Variants in CFAP47 observed in about 807,000 individuals in gnomAD.
CFAP47 encodes cilia- and flagella-associated protein 47.
Under a neutral mutation model 148.1 loss-of-function variants are expected in CFAP47, and 29 were observed. The ratio of observed to expected loss-of-function variants is 0.20; its 90% CI spans 0.15 to 0.27. The LOEUF (loss-of-function observed/expected upper bound fraction) is 0.27, where lower values mean the gene tolerates loss of function less well. CFAP47 is among the 10% of genes least tolerant of loss of function. The pLI, the probability that CFAP47 is intolerant of heterozygous loss-of-function variation, is 1.00. For missense variants in CFAP47, 1,872 were observed against 1,697.5 expected (o/e 1.10, Z -1.81); for synonymous variants, 664 against 577.3 (o/e 1.15, Z -2.15).
chrX:36,291,886 A>G (rs1361361909), intron 51 of CFAP47, among the ~76,000 whole-genome samples: 1 of 111,297 alleles, frequency 9.0e-6, no homozygotes, highest in Non-Finnish European at 1.9e-5. Flanking sequence ...GAGTACATAC[A>G]CACATATACG....
intron 42 of CFAP47, among the ~76,000 whole-genome samples, chrX:36,193,099 T>C (rs1279508554): frequency 1.8e-5 from 2 of 112,164 alleles, no homozygotes; most frequent in Non-Finnish European, 3.8e-5. Flanking sequence ...TTCTTTCCAC[T>C]CTCAGTCATT....
intron 45 of CFAP47, among the ~76,000 whole-genome samples, chrX:36,221,295 C>A (rs781979764): frequency 9.0e-6 from 1 of 111,481 alleles, no homozygotes; most frequent in Admixed American, 9.5e-5. Flanking sequence ...AAGTAAAGTT[C>A]TTACATTTTA....
At position 36,000,731 on chromosome X, in the gene CFAP47, G is replaced by A. The variant is rs574677010; in HGVS notation, c.3322+304G>A. On this transcript the variant is annotated intron_variant, in intron 20 of 63. Coordinates refer to ENST00000378653, the MANE Select transcript of CFAP47 (RefSeq NM_001304548.2). Reference sequence around the variant, plus strand: ...TTAAATGAACATAAAATTATGAATCGCTTGTTTTAATTGCTCAATAATTTT... The same window carrying A: ...TTAAATGAACATAAAATTATGAATCACTTGTTTTAATTGCTCAATAATTTT... 9.9e-5 allele frequency among the ~76,000 whole-genome samples: 11 copies of A among 111,578 alleles called. No homozygotes were observed. The South Asian group carries it at 3.0e-3, about 30-fold the overall frequency.
At chrX:36,054,195 C>A (rs1601950330) in intron 26 of CFAP47, among the ~76,000 whole-genome samples, 1 of 112,252 alleles carries the variant, frequency 8.9e-6, no homozygotes, top group Non-Finnish European at 1.9e-5. Context: ...CTCTCCATCT[C>A]ATCTTCCTCA....
At chrX:36,371,982 GTATA>G (rs1185996435) in intron 62 of CFAP47, among the ~76,000 whole-genome samples, 1 of 101,865 alleles carries the variant, frequency 9.8e-6, no homozygotes, top group Non-Finnish European at 2.0e-5. Context: ...ATATGTGTGT[GTATA>G]TATGTATGTG....
intron 33 of CFAP47, among the ~76,000 whole-genome samples, chrX:36,135,358 T>C (rs1482977482): frequency 2.7e-5 from 3 of 111,773 alleles, no homozygotes; most frequent in Middle Eastern, 4.6e-3. Context: ...TAGCAGATTT[T>C]CCTAATTGCC....
chrX:36,177,967 G>A (rs1283174184), intron 39 of CFAP47, among the ~76,000 whole-genome samples: 2 of 111,805 alleles, frequency 1.8e-5, no homozygotes, highest in Admixed American at 9.5e-5. Flanking sequence ...TAAAGAAAAC[G>A]TGGTACATAT....
chrX:36,114,646 C>T (rs1247896392), intron 33 of CFAP47, among the ~76,000 whole-genome samples: 2 of 111,433 alleles, frequency 1.8e-5, no homozygotes, highest in African/African-American at 3.3e-5. Context: ...TCCTAGACTG[C>T]GTGCTCTAAC....
chrX:36,232,243 T>C (rs1940374062), intron 46 of CFAP47, among the ~76,000 whole-genome samples: 1 of 111,755 alleles, frequency 8.9e-6, no homozygotes, highest in African/African-American at 3.3e-5. Flanking sequence ...CATCTGGTCC[T>C]GGACTCTTTT....
At chrX:36,330,155 A>G (rs1368852931) in intron 57 of CFAP47, among the ~76,000 whole-genome samples, 2 of 111,738 alleles carry the variant, frequency 1.8e-5, no homozygotes, top group Non-Finnish European at 3.8e-5. Context: ...TATGCTTTCA[A>G]TTTTATTATC....
intron 54 of CFAP47, among the ~76,000 whole-genome samples, chrX:36,304,848 C>T (rs1001019573): frequency 8.9e-6 from 1 of 112,017 alleles, no homozygotes. Context: ...AAAATAAGAT[C>T]CTAAGGTTTA....
intron 56 of CFAP47, among the ~76,000 whole-genome samples, chrX:36,316,364 C>T (rs1159201766): frequency 8.9e-6 from 1 of 112,293 alleles, no homozygotes; most frequent in African/African-American, 3.2e-5. Flanking sequence ...TTACCCATAA[C>T]ACCAGATTGC....
chrX:36,358,983 TA>T (rs1241383907), intron 60 of CFAP47, among the ~76,000 whole-genome samples: 2 of 111,937 alleles, frequency 1.8e-5, no homozygotes, highest in African/African-American at 6.5e-5. Context: ...AGTAGTAATT[TA>T]AAAACTAGTT....
intron 49 of CFAP47, among the ~76,000 whole-genome samples, chrX:36,263,941 G>T (rs782589711): frequency 9.0e-6 from 1 of 111,712 alleles, no homozygotes; most frequent in African/African-American, 3.3e-5. Context: ...ATTACTGCTG[G>T]TTATTCAGGG....
intron 33 of CFAP47, among the ~76,000 whole-genome samples, chrX:36,106,034 T>G (rs1488207234): frequency 8.9e-6 from 1 of 112,037 alleles, no homozygotes; most frequent in East Asian, 2.8e-4. Context: ...TTACCAGATA[T>G]CTTCATGGTT....
intron 33 of CFAP47, among the ~76,000 whole-genome samples, chrX:36,129,486 G>T (rs1293284838): frequency 9.0e-6 from 1 of 110,794 alleles, no homozygotes; most frequent in Non-Finnish European, 1.9e-5. Flanking sequence ...ATATGTGACT[G>T]ATCTTATAAT....
At chrX:36,200,550 A>T in intron 43 of CFAP47, 57 bp downstream of exon 43, 1 of 291,444 alleles carries the variant, frequency 3.4e-6, no homozygotes, top group East Asian at 4.8e-5. Flanking sequence ...ACTTTTCCTC[A>T]TATAGTTACC....
At chrX:36,117,689 T>C (rs141572408) in intron 33 of CFAP47, among the ~76,000 whole-genome samples, 2,723 of 111,686 alleles carry the variant, frequency 0.024, 33 homozygotes, top group Non-Finnish European at 0.041. Context: ...TCTCATCCTG[T>C]GGGTTGTCTC....
chrX:36,145,423 C>G, intron 36 of CFAP47, 70 bp downstream of exon 36: 1 of 289,553 alleles, frequency 3.5e-6, no homozygotes, highest in Non-Finnish European at 6.1e-6. Context: ...ATATTTCTTT[C>G]CCAACCCAAA....
Sources: allele counts gnomAD v4.1 joint callset (sites outside exome capture counted in the v4.1 genomes callset), GRCh38; gene constraint gnomAD v4.1.1; transcripts MANE v1.5; gene names NCBI Gene and HGNC (gene_info 2026-07-23, HGNC 2026-07-21).